The following G3BP2 variants were observed in gnomAD, a reference collection of about 807,000 sequenced individuals.
G3BP2 encodes G3BP stress granule assembly factor 2, also known as ras GTPase-activating protein-binding protein 2.
A neutral mutation model predicts 56.7 loss-of-function variants in G3BP2; 11 were observed. The ratio of observed to expected loss-of-function variants is 0.19; its 90% CI spans 0.12 to 0.32. The LOEUF is 0.32. Among genes scored for constraint, G3BP2 ranks in the 10% least tolerant of loss-of-function variants. The probability of loss-of-function intolerance (pLI) is 1.00; values close to 1 mark genes in which losing one functional copy is unlikely to be tolerated. For synonymous variants in G3BP2, 165 were observed against 191.6 expected, an observed-to-expected ratio of 0.86 and a Z score of 1.15; for missense variants, 340 against 610.9, an observed-to-expected ratio of 0.56 and a Z score of 4.67.
chr4:75,674,606 A>G (rs1180539799), upstream of G3BP2, among the ~76,000 whole-genome samples: 1 of 150,896 alleles, frequency 6.6e-6, no homozygotes, highest in Non-Finnish European at 1.5e-5. Context: ...GTCCTTTAAT[A>G]TACTGGGCTT....
intron 3 of G3BP2, among the ~76,000 whole-genome samples, chr4:75,685,755 G>A (rs952769852): frequency 6.6e-6 from 1 of 152,132 alleles, no homozygotes. Flanking sequence ...TGGTCATAAC[G>A]CAGACATCAC....
intron 3 of G3BP2, among the ~76,000 whole-genome samples, chr4:75,696,370 C>T (rs1263256804): frequency 6.6e-6 from 1 of 152,174 alleles, no homozygotes; most frequent in Non-Finnish European, 1.5e-5. Flanking sequence ...CAGAAATCAC[C>T]TGGATCACCT....
chr4:75,694,716 C>T (rs148948069), intron 3 of G3BP2: 50,036 of 968,758 alleles, frequency 0.052, 1,438 homozygotes, highest in Non-Finnish European at 0.057. Flanking sequence ...CCAGCCTGGG[C>T]AACAAGAGCG....
chr4:75,722,285 T>C (rs1446689451), intron 1 of G3BP2, among the ~76,000 whole-genome samples: 4 of 152,312 alleles, frequency 2.6e-5, no homozygotes, highest in Middle Eastern at 6.8e-3. Flanking sequence ...GGAAAATTCA[T>C]AGTAAGCTGT....
chr4:75,671,566 C>G (rs1164205412), intron 1 of G3BP2, among the ~76,000 whole-genome samples: 1 of 152,188 alleles, frequency 6.6e-6, no homozygotes. Context: ...CATTCTGGTT[C>G]ACTCTTGATG....
chr4:75,678,296 TTGTGTGTGTGTGTGTGTGTG>T (rs57550763), upstream of G3BP2, among the ~76,000 whole-genome samples: 35 of 144,472 alleles, frequency 2.4e-4, no homozygotes, highest in Non-Finnish European at 3.8e-4. Context: ...CGTGCCTAGC[TTGTGTGTGTGTGTGTGTGTG>T]TGTGTGTGTG....
intron 1 of G3BP2, among the ~76,000 whole-genome samples, chr4:75,668,754 C>T (rs755804545): frequency 6.6e-6 from 1 of 152,180 alleles, no homozygotes; most frequent in Non-Finnish European, 1.5e-5. Flanking sequence ...GATTGAAACC[C>T]TATGCATTTA....
At chr4:75,714,365 G>A (rs554187696) in intron 3 of G3BP2, among the ~76,000 whole-genome samples, 4 of 152,340 alleles carry the variant, frequency 2.6e-5, no homozygotes, top group East Asian at 3.9e-4. Context: ...AGTGGCCCAC[G>A]CCTGTAACCC....
At chr4:75,719,598 T>G (rs560391247) in intron 3 of G3BP2, among the ~76,000 whole-genome samples, 1 of 152,188 alleles carries the variant, frequency 6.6e-6, no homozygotes, top group South Asian at 2.1e-4. Context: ...CTTGGTCTCA[T>G]TTCTTTTTTG....
At chr4:75,708,642 G>A (rs1158563719) in intron 3 of G3BP2, among the ~76,000 whole-genome samples, 5 of 152,290 alleles carry the variant, frequency 3.3e-5, no homozygotes, top group Middle Eastern at 3.4e-3. Flanking sequence ...AATATGGTCC[G>A]GTTGAACCTC....
At chr4:75,668,113 A>C (rs1289524758) in intron 1 of G3BP2, among the ~76,000 whole-genome samples, 4 of 152,146 alleles carry the variant, frequency 2.6e-5, no homozygotes, top group Non-Finnish European at 5.9e-5. Context: ...TGAATCTATT[A>C]ATTATACACA....
intron 1 of G3BP2, 45 bp from the exon 2 acceptor site, chr4:75,662,094 T>C: frequency 9.3e-7 from 1 of 1,078,406 alleles, no homozygotes; most frequent in East Asian, 2.4e-5. Context: ...GTCATCTTTG[T>C]CATCAACCAC....
chr4:75,698,060 T>C (rs1034957019), intron 3 of G3BP2, among the ~76,000 whole-genome samples: 3 of 152,220 alleles, frequency 2.0e-5, no homozygotes, highest in African/African-American at 7.2e-5. Flanking sequence ...CTCCCAAAGG[T>C]GTCCATGTTC....
Position 75,645,133 on chromosome 4 carries a change from G to A in G3BP2, c.*297C>T. The A allele has an allele frequency of 3.2e-6, 1 of 316,178 alleles. No individual in the cohort carries two copies. The allele number at this position is 316,178 out of a possible 1,614,324, so 19.6% of individuals were successfully genotyped here. Reference sequence around the variant, plus strand: ...CAGAAGATTTTTTTTTTACTCAAAGGACCTGAATTCAGTGGGCATGTCCTT... The same window carrying A: ...CAGAAGATTTTTTTTTTACTCAAAGAACCTGAATTCAGTGGGCATGTCCTT... On this transcript the variant is annotated 3_prime_UTR_variant, in exon 12 of 12. Coordinates refer to ENST00000359707, the MANE Select transcript of G3BP2 (RefSeq NM_203505.3).
intron 6 of G3BP2, 94 bp from the exon 7 acceptor site, chr4:75,655,340 C>T: frequency 1.2e-6 from 1 of 864,874 alleles, no homozygotes; most frequent in Non-Finnish European, 1.9e-6. Flanking sequence ...TAGTTATATG[C>T]CAATAACTTG....
chr4:75,704,012 G>GTTTTT (rs11315970), intron 3 of G3BP2, among the ~76,000 whole-genome samples: 2 of 138,960 alleles, frequency 1.4e-5, no homozygotes. Flanking sequence ...TCTATGAAAG[G>GTTTTT]TTTTTTTTTT....
At chr4:75,708,291 C>CAT (rs1262650912) in intron 3 of G3BP2, among the ~76,000 whole-genome samples, 2 of 152,192 alleles carry the variant, frequency 1.3e-5, no homozygotes, top group Non-Finnish European at 2.9e-5. Context: ...TAGCCCCTAC[C>CAT]ATCAAGCCTG....
intron 3 of G3BP2, among the ~76,000 whole-genome samples, chr4:75,719,374 G>A (rs79316039): frequency 0.11 from 15,949 of 146,376 alleles, 1,344 homozygotes; most frequent in South Asian, 0.26. Flanking sequence ...AAAAGAAATT[G>A]ATAATACCGA....
intron 8 of G3BP2, among the ~76,000 whole-genome samples, chr4:75,650,746 A>C (rs1731634580): frequency 6.6e-6 from 1 of 152,120 alleles, no homozygotes. Context: ...TCTATTGCCC[A>C]GGCTGGAGTG....
Sources: allele counts gnomAD v4.1 joint callset (sites outside exome capture counted in the v4.1 genomes callset), GRCh38; gene constraint gnomAD v4.1.1; transcripts MANE v1.5; gene names NCBI Gene and HGNC (gene_info 2026-07-23, HGNC 2026-07-21).